The following FOXP2 variants were observed in gnomAD, a reference collection of about 807,000 sequenced individuals.
FOXP2 encodes forkhead box protein P2.
FOXP2 carries 12 observed loss-of-function variants against 115.8 expected under a neutral mutation model. The observed-to-expected ratio is 0.10, with a 90% CI of 0.07 to 0.17. The LOEUF (loss-of-function observed/expected upper bound fraction) is 0.17, where lower values mean the gene tolerates loss of function less well. FOXP2 is among the 10% of genes least tolerant of loss of function. The pLI is 1.00. For synonymous variants in FOXP2, 328 were observed against 297.7 expected (o/e 1.10, Z -1.05); for missense variants, 629 against 843.5 (o/e 0.75, Z 3.15).
chr7:114,283,290 G>A (rs1796385071), intron 1 of FOXP2, among the ~76,000 whole-genome samples: 1 of 152,098 alleles, frequency 6.6e-6, no homozygotes, highest in Non-Finnish European at 1.5e-5. Context: ...TATTTAAAAT[G>A]TTAGTATAAT....
chr7:114,307,776 G>T, intron 2 of FOXP2, among the ~76,000 whole-genome samples: 1 of 152,150 alleles, frequency 6.6e-6, no homozygotes, highest in Non-Finnish European at 1.5e-5. Flanking sequence ...ATTGGCATTG[G>T]GGGTGGGGAG....
chr7:114,309,158 TA>T, intron 2 of FOXP2, among the ~76,000 whole-genome samples: 1 of 152,302 alleles, frequency 6.6e-6, no homozygotes, highest in South Asian at 2.1e-4. Context: ...CCTTCTGAGA[TA>T]AAGATTAGAC....
intron 1 of FOXP2, among the ~76,000 whole-genome samples, chr7:114,098,796 G>A (rs573572275): frequency 2.0e-5 from 3 of 152,216 alleles, no homozygotes; most frequent in African/African-American, 7.2e-5. Flanking sequence ...AAAAATATTT[G>A]CAAATTTTAT....
In FOXP2 at chr7:114,143,527, A is replaced by G. The variant is rs958142279; in HGVS notation, c.-246-19417A>G. Among the ~76,000 whole-genome samples, 6 of 152,108 alleles carry G rather than the reference A, an allele frequency of 3.9e-5. No homozygotes were observed. The South Asian group carries it at 1.0e-3, about 26-fold the overall frequency. ...TTCCCTGAGGTTACAATTTCAATAC[A>G]GATTGTTAGGTTTCTCTGCTAATTG... On this transcript the variant is annotated intron_variant, in intron 1 of 19. Transcript: ENST00000635638.
At chr7:114,370,941 C>T (rs1313905093) in intron 2 of FOXP2, among the ~76,000 whole-genome samples, 3 of 151,924 alleles carry the variant, frequency 2.0e-5, no homozygotes, top group African/African-American at 7.3e-5. Context: ...AACAGAGAAA[C>T]CCTGTTTTAT....
intron 7 of FOXP2, among the ~76,000 whole-genome samples, chr7:114,643,571 A>G (rs544721190): frequency 4.4e-4 from 67 of 152,256 alleles, no homozygotes; most frequent in African/African-American, 1.3e-3. Flanking sequence ...AATTTTTTTG[A>G]TAATTTTTAA....
At chr7:114,611,667 C>T (rs950191707) in intron 3 of FOXP2, among the ~76,000 whole-genome samples, 2 of 152,120 alleles carry the variant, frequency 1.3e-5, no homozygotes, top group Non-Finnish European at 2.9e-5. Context: ...CATCTCCATC[C>T]CATCCAATTT....
At chr7:114,509,189 A>C (rs1029505303) in intron 2 of FOXP2, among the ~76,000 whole-genome samples, 1 of 152,144 alleles carries the variant, frequency 6.6e-6, no homozygotes, top group Non-Finnish European at 1.5e-5. Context: ...GTTTATGTAC[A>C]GATTATATTC....
intron 3 of FOXP2, among the ~76,000 whole-genome samples, chr7:114,584,474 C>G (rs748928416): frequency 1.3e-5 from 2 of 152,144 alleles, no homozygotes; most frequent in Non-Finnish European, 2.9e-5. Context: ...TCCTGTATTT[C>G]TCCTATTAGT....
chr7:114,282,767 GT>G (rs1378968816), intron 1 of FOXP2, among the ~76,000 whole-genome samples: 4 of 152,114 alleles, frequency 2.6e-5, no homozygotes, highest in African/African-American at 9.7e-5. Context: ...TCTGGTGGCA[GT>G]TTTACAGCAT....
intron 2 of FOXP2, among the ~76,000 whole-genome samples, chr7:114,500,172 C>T (rs1277475150): frequency 1.4e-5 from 2 of 146,466 alleles, no homozygotes; most frequent in Non-Finnish European, 3.0e-5. Context: ...GCCGAGATCA[C>T]GCAACTGCCC....
At chr7:114,271,559 AAT>A (rs1358049073) in intron 1 of FOXP2, among the ~76,000 whole-genome samples, 1 of 127,688 alleles carries the variant, frequency 7.8e-6, no homozygotes, top group East Asian at 2.1e-4. Flanking sequence ...TATAATATAT[AAT>A]ATATAATATA....
chr7:114,141,707 T>C (rs976833313), intron 1 of FOXP2, among the ~76,000 whole-genome samples: 2 of 152,106 alleles, frequency 1.3e-5, no homozygotes, highest in African/African-American at 4.8e-5. Context: ...ATGAATAAAG[T>C]TTGGAGGCAC....
chr7:114,108,986 A>G (rs1490604873), intron 1 of FOXP2, among the ~76,000 whole-genome samples: 1 of 151,944 alleles, frequency 6.6e-6, no homozygotes, highest in Non-Finnish European at 1.5e-5. Flanking sequence ...ATTTCATAAA[A>G]CAATAAGTAA....
At chr7:114,341,918 T>C (rs1791226346) in intron 2 of FOXP2, among the ~76,000 whole-genome samples, 1 of 151,324 alleles carries the variant, frequency 6.6e-6, no homozygotes, top group South Asian at 2.1e-4. Flanking sequence ...TCTACTTGAT[T>C]CTTATGGCTA....
chr7:114,672,201 A>G (rs1044722813), intron 16 of FOXP2, among the ~76,000 whole-genome samples: 1 of 152,248 alleles, frequency 6.6e-6, no homozygotes, highest in Admixed American at 6.5e-5. Context: ...TACTATAAAA[A>G]AATGTATATT....
intron 2 of FOXP2, among the ~76,000 whole-genome samples, chr7:114,464,892 T>A (rs2129226747): frequency 6.6e-6 from 1 of 152,342 alleles, no homozygotes; most frequent in Admixed American, 6.5e-5. Context: ...GTTGTTTTAG[T>A]AATCATCTTC....
intron 1 of FOXP2, among the ~76,000 whole-genome samples, chr7:114,167,570 A>C (rs993961187): frequency 6.6e-6 from 1 of 152,086 alleles, no homozygotes; most frequent in Non-Finnish European, 1.5e-5. Flanking sequence ...AGATAATTGA[A>C]TCATGGGGGC....
chr7:114,089,540 G>A (rs1432474683), intron 1 of FOXP2, among the ~76,000 whole-genome samples: 2 of 152,034 alleles, frequency 1.3e-5, no homozygotes, highest in Middle Eastern at 3.4e-3. Context: ...TACTCGGGTG[G>A]AAATAGGCCC....
Sources: allele counts gnomAD v4.1 joint callset (sites outside exome capture counted in the v4.1 genomes callset), GRCh38; gene constraint gnomAD v4.1.1; transcripts MANE v1.5; gene names NCBI Gene and HGNC (gene_info 2026-07-23, HGNC 2026-07-21).